ZDHHC14: variants seen among roughly 807,000 people sequenced by gnomAD.
The protein encoded by ZDHHC14 is palmitoyltransferase ZDHHC14.
Under a neutral mutation model 47.7 loss-of-function variants are expected in ZDHHC14, and 16 were observed. The observed-to-expected ratio is 0.34, with a 90% CI of 0.23 to 0.51. The LOEUF (loss-of-function observed/expected upper bound fraction) is 0.51. ZDHHC14 is among the 20% of genes least tolerant of loss of function. The pLI is 0.97. For synonymous variants in ZDHHC14, 293 were observed against 278.9 expected (o/e 1.05, Z -0.50); for missense variants, 515 against 662.5 (o/e 0.78, Z 2.44).
rs142104614 is a variant in ZDHHC14 at position 157,415,155 on chromosome 6, C to G, written c.245+32889C>G. 4.9e-3 allele frequency among the ~76,000 whole-genome samples: 743 copies of G among 152,296 alleles called. 4 individuals are homozygous for G. The highest frequency in any genetic ancestry group is 0.017 in the African/African-American group (711 of 41,554). On this transcript the variant is annotated intron_variant, in intron 1 of 8. Coordinates refer to ENST00000359775, the MANE Select transcript of ZDHHC14 (RefSeq NM_024630.3). The stretch of plus-strand genomic sequence containing the variant: ...TCGTCCAGCTTTTCAATCGGTACAT[C>G]TTGAATAAACCATTGAATGACTATT...
Position 157,613,128 on chromosome 6 carries a change from C to T in ZDHHC14, c.566-15221C>T, listed in dbSNP as rs538494413. On this transcript the variant is annotated intron_variant, in intron 3 of 8. Transcript: ENST00000359775. ...ATGGTGTCTTTAGGTCTGTGACTGA[C>T]GCAACCTACACGTGTATTTATCTAC... Among the ~76,000 whole-genome samples, 10 of 152,278 alleles carry T rather than the reference C, an allele frequency of 6.6e-5. No individual in the cohort carries two copies. The South Asian group carries it at 1.0e-3, about 16-fold the overall frequency.
intron 1 of ZDHHC14, among the ~76,000 whole-genome samples, chr6:157,420,001 T>C (rs958152687): frequency 6.6e-6 from 1 of 152,270 alleles, no homozygotes; most frequent in Non-Finnish European, 1.5e-5. Context: ...TGTAGTAGTA[T>C]CTTACTGTTG....
rs543542897 is a variant in ZDHHC14, at chr6:157,597,149, T to A, written c.565+4003T>A. Among the ~76,000 whole-genome samples, 11 of 152,224 alleles carry A rather than the reference T, an allele frequency of 7.2e-5. No homozygotes were observed. In the South Asian group the frequency reaches 1.9e-3, roughly 26 times the overall value. ...TTATTTATCCAGGCGGGCTTTGAGG[T>A]TACGGAATATTTTTAAACAACCAAC... On this transcript the variant is annotated intron_variant, in intron 3 of 8. Transcript: ENST00000359775.
rs996598135 is a variant in ZDHHC14 at position 157,406,020 on chromosome 6, T to G, written c.245+23754T>G. 3.9e-5 allele frequency among the ~76,000 whole-genome samples: 6 copies of G among 152,222 alleles called. No homozygotes were observed. The East Asian group carries it at 9.6e-4, about 24-fold the overall frequency. ...CTTCTAAATAGGATAATGCCACCCT[T>G]GACAATCATTTGTTTGAGTTAAACC... On this transcript the variant is annotated intron_variant, in intron 1 of 8. Transcript: ENST00000359775.
At chr6:157,419,617 T>A (rs958268233) in intron 1 of ZDHHC14, among the ~76,000 whole-genome samples, 5 of 152,252 alleles carry the variant, frequency 3.3e-5, no homozygotes, top group African/African-American at 1.2e-4. Context: ...AAGGTTCCTT[T>A]GTATCTTTTT....
intron 1 of ZDHHC14, among the ~76,000 whole-genome samples, chr6:157,466,352 C>G (rs1054773637): frequency 1.3e-5 from 2 of 152,196 alleles, no homozygotes; most frequent in African/African-American, 4.8e-5. Context: ...CTCCCATTGA[C>G]AGGATCACAG....
intron 3 of ZDHHC14, among the ~76,000 whole-genome samples, chr6:157,610,512 T>A (rs1032990960): frequency 1.6e-4 from 25 of 152,216 alleles, no homozygotes; most frequent in African/African-American, 6.0e-4. Context: ...CAGAGCCTCC[T>A]TTTATCTCAA....
At chr6:157,423,012 C>T (rs941871895) in intron 1 of ZDHHC14, among the ~76,000 whole-genome samples, 8 of 152,096 alleles carry the variant, frequency 5.3e-5, no homozygotes, top group African/African-American at 1.9e-4. Flanking sequence ...ACTTTTCAGT[C>T]GATAAGGAAA....
intron 1 of ZDHHC14, among the ~76,000 whole-genome samples, chr6:157,505,071 A>C (rs567427389): frequency 6.6e-6 from 1 of 152,322 alleles, no homozygotes; most frequent in South Asian, 2.1e-4. Context: ...GGGCCTCCCA[A>C]AGTGTTGGGA....
chr6:157,593,510 G>C (rs1359314177), intron 3 of ZDHHC14, among the ~76,000 whole-genome samples: 1 of 152,188 alleles, frequency 6.6e-6, no homozygotes, highest in Admixed American at 6.5e-5. Context: ...GTTTGTCCCA[G>C]CTCCTCAGAG....
intron 2 of ZDHHC14, among the ~76,000 whole-genome samples, chr6:157,578,877 T>C (rs1783406055): frequency 1.3e-5 from 2 of 152,198 alleles, no homozygotes; most frequent in South Asian, 4.1e-4. Flanking sequence ...CTTTATAAAT[T>C]ACCTAGTCTT....
At chr6:157,531,472 C>A (rs551002417) in intron 1 of ZDHHC14, among the ~76,000 whole-genome samples, 2 of 152,188 alleles carry the variant, frequency 1.3e-5, no homozygotes, top group East Asian at 3.9e-4. Flanking sequence ...TCTGACACCC[C>A]CTCCAGAAAG....
chr6:157,451,030 GTC>G (rs1778792398), intron 1 of ZDHHC14, among the ~76,000 whole-genome samples: 2 of 150,658 alleles, frequency 1.3e-5, no homozygotes, highest in African/African-American at 4.9e-5. Flanking sequence ...GTGTGTGTGT[GTC>G]TGTGGAGGCT....
chr6:157,622,164 A>G (rs2114940287), intron 3 of ZDHHC14, among the ~76,000 whole-genome samples: 1 of 147,022 alleles, frequency 6.8e-6, no homozygotes, highest in East Asian at 2.0e-4. Flanking sequence ...TGAGGTCAGG[A>G]GTTCGAGACC....
intron 5 of ZDHHC14, among the ~76,000 whole-genome samples, chr6:157,638,915 C>T (rs1405472621): frequency 6.6e-6 from 1 of 152,220 alleles, no homozygotes; most frequent in Non-Finnish European, 1.5e-5. Context: ...TCCCAGGCAG[C>T]GCCCACAGCC....
In ZDHHC14 at chr6:157,604,227, C is replaced by A. The variant is rs558405672; in HGVS notation, c.565+11081C>A. On this transcript the variant is annotated intron_variant, in intron 3 of 8. Transcript: ENST00000359775. ...ACCTGAACCAGGGAGATTGAGGCTA[C>A]AGTGAACCTTGATCACGCCTCTGCG... Among the ~76,000 whole-genome samples the A allele has an allele frequency of 2.0e-5, 3 of 149,824 alleles. No individual in the cohort carries two copies. The East Asian group carries it at 5.9e-4, about 29-fold the overall frequency.
At chr6:157,493,063 C>G (rs1035831972) in intron 1 of ZDHHC14, among the ~76,000 whole-genome samples, 3 of 152,106 alleles carry the variant, frequency 2.0e-5, no homozygotes, top group Non-Finnish European at 4.4e-5. Context: ...TTTGCCCTGG[C>G]ACTTGAAAGG....
At chr6:157,656,344 C>CT (rs139902125) in intron 8 of ZDHHC14, among the ~76,000 whole-genome samples, 4 of 150,054 alleles carry the variant, frequency 2.7e-5, no homozygotes, top group Non-Finnish European at 4.4e-5. Context: ...CTTTTCTTTT[C>CT]TTTTTTTTGA....
At chr6:157,490,871 G>A (rs893042621) in intron 1 of ZDHHC14, among the ~76,000 whole-genome samples, 1 of 152,188 alleles carries the variant, frequency 6.6e-6, no homozygotes, top group African/African-American at 2.4e-5. Context: ...GCACTTTGGA[G>A]GGAGCTCTGC....
Sources: allele counts gnomAD v4.1 joint callset (sites outside exome capture counted in the v4.1 genomes callset), GRCh38; gene constraint gnomAD v4.1.1; transcripts MANE v1.5; gene names NCBI Gene and HGNC (gene_info 2026-07-23, HGNC 2026-07-21).